Variants in SIN3A observed in about 807,000 individuals in gnomAD.
SIN3A encodes the protein paired amphipathic helix protein Sin3a.
A neutral mutation model predicts 146.1 loss-of-function variants in SIN3A; 14 were observed. That is an observed-to-expected ratio of 0.10 (90% CI 0.06 to 0.15). The LOEUF (loss-of-function observed/expected upper bound fraction) is 0.15. Among genes scored for constraint, SIN3A ranks in the 10% least tolerant of loss-of-function variants. The pLI, the probability that SIN3A is intolerant of heterozygous loss-of-function variation, is 1.00. For missense variants in SIN3A, 1,028 were observed against 1,576.0 expected, an observed-to-expected ratio of 0.65 and a Z score of 5.89; for synonymous variants, 572 against 572.0, an observed-to-expected ratio of 1.00 and a Z score of 0.00.
chr15:75,408,595 A>G (rs1477432303), intron 8 of SIN3A, among the ~76,000 whole-genome samples: 2 of 152,242 alleles, frequency 1.3e-5, no homozygotes, highest in African/African-American at 4.8e-5. Context: ...GTTACATCAA[A>G]GAAGGGAGCA....
upstream of SIN3A, among the ~76,000 whole-genome samples, chr15:75,452,108 AG>A (rs891291702): frequency 6.6e-6 from 1 of 152,212 alleles, no homozygotes; most frequent in African/African-American, 2.4e-5. Flanking sequence ...CGCCCCAGTA[AG>A]GTAAGTAACC....
intron 1 of SIN3A, among the ~76,000 whole-genome samples, chr15:75,447,274 G>C (rs2074324075): frequency 6.6e-6 from 1 of 152,192 alleles, no homozygotes; most frequent in Admixed American, 6.5e-5. Flanking sequence ...GCACTGACTA[G>C]GGCAGTGGAG....
At chr15:75,441,491 C>A (rs1159975371) in intron 1 of SIN3A, among the ~76,000 whole-genome samples, 1 of 151,952 alleles carries the variant, frequency 6.6e-6, no homozygotes, top group Non-Finnish European at 1.5e-5. Context: ...ACAGGGTCTC[C>A]CTACATTGCA....
chr15:75,425,239 C>T (rs1451734569), intron 2 of SIN3A, among the ~76,000 whole-genome samples: 4 of 152,218 alleles, frequency 2.6e-5, no homozygotes, highest in East Asian at 3.9e-4. Flanking sequence ...AGCACAATTT[C>T]GGCTCACTGC....
At chr15:75,393,042 C>T (rs1276074422) in intron 14 of SIN3A, among the ~76,000 whole-genome samples, 2 of 152,118 alleles carry the variant, frequency 1.3e-5, no homozygotes, top group African/African-American at 2.4e-5. Flanking sequence ...TCAGCCTGGC[C>T]AATATGGTGA....
chr15:75,427,228 C>T (rs2141558843), intron 2 of SIN3A, among the ~76,000 whole-genome samples: 1 of 152,164 alleles, frequency 6.6e-6, no homozygotes, highest in South Asian at 2.1e-4. Flanking sequence ...CAAAAATTAG[C>T]CGGGCATGGT....
At chr15:75,427,296 C>T (rs2073941067) in intron 2 of SIN3A, among the ~76,000 whole-genome samples, 1 of 152,132 alleles carries the variant, frequency 6.6e-6, no homozygotes, top group South Asian at 2.1e-4. Flanking sequence ...TCACTTGAAC[C>T]TGGAAGCCAG....
chr15:75,422,640 A>T lies in SIN3A; in HGVS notation c.366+7T>A. The T allele has an allele frequency of 6.2e-7, 1 of 1,614,236 alleles. No homozygotes were observed. The highest frequency in any genetic ancestry group is 8.5e-7 in the Non-Finnish European group (1 of 1,180,034). On this transcript the variant is annotated splice_region_variant and intron_variant, in intron 3 of 20. Coordinates refer to ENST00000394947, the MANE Select transcript of SIN3A (RefSeq NM_001145358.2). ...TTTTTGACCCAAGAAAAAGAGCTGA[A>T]TACCACCTTCAGCCTCTGAAATTGC...
chr15:75,375,580 G>A, intron 20 of SIN3A, 85 bp downstream of exon 20: 1 of 1,085,774 alleles, frequency 9.2e-7, no homozygotes, highest in Non-Finnish European at 1.4e-6. Flanking sequence ...CATAAACAAA[G>A]AAAAACAATC....
chr15:75,396,410 T>G lies in SIN3A; in HGVS notation c.1941A>C (p.Glu647Asp). Residue 647 changes from glutamate (E) to aspartate (D), a missense_variant, in exon 13 of 21, where the codon GAA (glutamate) becomes GAC (aspartate). By Grantham distance (45) the Glu-to-Asp change is conservative. Around this residue, in one of 9 missense-constraint regions of SIN3A, gnomAD observed 157 missense variants for 284.8 expected, o/e 0.55. Coordinates refer to ENST00000394947, the MANE Select transcript of SIN3A (RefSeq NM_001145358.2). ...TGTTGTCCAAGCGAAATTTGGCTTG[T>G]TCTTCAGCAGACAAGCGGGAAAGCT... ...QKKLSRLSAE[E>D]QAKFRLDNTL... 2.5e-6 allele frequency: 4 copies of G among 1,614,174 alleles called. No homozygotes were observed. Among genetic ancestry groups the G allele is most frequent in the Non-Finnish European group, 3.4e-6 (4 of 1,180,034 alleles).
chr15:75,411,254 G>A (rs1436761518), intron 6 of SIN3A, among the ~76,000 whole-genome samples: 1 of 152,228 alleles, frequency 6.6e-6, no homozygotes, highest in Non-Finnish European at 1.5e-5. Context: ...CTTGAGCCCG[G>A]GAGGCGGAGA....
chr15:75,446,935 G>A (rs938005603), intron 1 of SIN3A, among the ~76,000 whole-genome samples: 1 of 151,982 alleles, frequency 6.6e-6, no homozygotes. Flanking sequence ...CACCATGCCC[G>A]GCTAACTCTT....
At chr15:75,407,720 G>A (rs1029715980) in intron 8 of SIN3A, among the ~76,000 whole-genome samples, 2 of 151,438 alleles carry the variant, frequency 1.3e-5, no homozygotes, top group East Asian at 1.9e-4. Context: ...GTGAAACCCC[G>A]TCTCTACTAA....
chr15:75,411,570 A>G lies in SIN3A; in HGVS notation c.930T>C (p.Tyr310=). ...QPVEFNHAIN[Y]VNKIKNRFQG... ...GAAATCTGTTCTTGATCTTATTAACATAGTTGATGGCATGATTAAACTCCA... is the reference window on the plus strand; with the variant it reads ...GAAATCTGTTCTTGATCTTATTAACGTAGTTGATGGCATGATTAAACTCCA... The change falls in exon 6 of 21, where the codon TAT becomes TAC. Residue 310 remains tyrosine, a synonymous_variant. Transcript: ENST00000394947. 6.2e-7 allele frequency: 1 copy of G among 1,614,170 alleles called. No individual in the cohort carries two copies. The highest frequency in any genetic ancestry group is 8.5e-7 in the Non-Finnish European group (1 of 1,180,020).
At chr15:75,391,321 G>A (rs370630606) in intron 15 of SIN3A, among the ~76,000 whole-genome samples, 11 of 152,186 alleles carry the variant, frequency 7.2e-5, no homozygotes, top group African/African-American at 1.9e-4. Flanking sequence ...GCCAGGAATA[G>A]GCCATTTAAT....
intron 1 of SIN3A, among the ~76,000 whole-genome samples, chr15:75,446,642 C>T (rs1163416744): frequency 5.3e-5 from 8 of 151,706 alleles, no homozygotes; most frequent in Non-Finnish European, 2.9e-5. Context: ...CAGGCACGCG[C>T]CAGCATGCTT....
At chr15:75,385,008 T>C (rs1417586591) in intron 16 of SIN3A, among the ~76,000 whole-genome samples, 2 of 152,062 alleles carry the variant, frequency 1.3e-5, no homozygotes, top group African/African-American at 4.8e-5. Context: ...ACCCCATCTC[T>C]ACTAAAAATA....
intron 1 of SIN3A, among the ~76,000 whole-genome samples, chr15:75,440,137 C>G (rs539745414): frequency 2.0e-5 from 3 of 151,220 alleles, no homozygotes; most frequent in African/African-American, 7.3e-5. Flanking sequence ...GGCAACAGAG[C>G]GAGACTCCCT....
At chr15:75,411,057 G>A (rs548080968) in intron 6 of SIN3A, among the ~76,000 whole-genome samples, 8 of 152,102 alleles carry the variant, frequency 5.3e-5, no homozygotes, top group South Asian at 4.2e-4. Flanking sequence ...GCATGGGGGC[G>A]GTGGCTCACG....
Sources: gnomAD v4.1 joint callset for allele counts (sites outside exome capture counted in the v4.1 genomes callset) on GRCh38, gnomAD v4.1.1 for gene constraint, gnomAD v4.1.1 regional missense constraint, MANE v1.5 for transcripts, NCBI Gene and HGNC (gene_info 2026-07-23, HGNC 2026-07-21) for gene names.